MYH15: variants seen among roughly 807,000 people sequenced by gnomAD.
The protein encoded by MYH15 is myosin-15.
A neutral mutation model predicts 240.5 loss-of-function variants in MYH15; 227 were observed. The ratio of observed to expected loss-of-function variants is 0.94; its 90% CI spans 0.85 to 1.05. The LOEUF is 1.05. Among genes scored for constraint, MYH15 ranks in the 50% least tolerant of loss-of-function variants. The pLI is 0.00. For synonymous variants in MYH15, 785 were observed against 796.7 expected (o/e 0.99, Z 0.25); for missense variants, 2,217 against 2,247.5 (o/e 0.99, Z 0.27).
chr3:108,463,090 A>G, intron 16 of MYH15, 21 bp downstream of exon 16: 2 of 1,578,086 alleles, frequency 1.3e-6, no homozygotes, highest in African/African-American at 1.4e-5. Context: ...CTGAAAAATC[A>G]AGGAAGATTG....
At chr3:108,506,827 T>C (rs2083480005) in intron 1 of MYH15, among the ~76,000 whole-genome samples, 3 of 152,174 alleles carry the variant, frequency 2.0e-5, no homozygotes, top group African/African-American at 4.8e-5. Context: ...GGTCAGGAGT[T>C]CGAGACCAGC....
intron 31 of MYH15, among the ~76,000 whole-genome samples, chr3:108,409,156 G>A (rs2082569321): frequency 6.6e-6 from 1 of 152,184 alleles, no homozygotes; most frequent in African/African-American, 2.4e-5. Flanking sequence ...ATCCTGGGCT[G>A]TGATGTGATA....
the MYH15 span, among the ~76,000 whole-genome samples, chr3:108,534,456 T>G: frequency 6.6e-6 from 1 of 152,334 alleles, no homozygotes; most frequent in Middle Eastern, 3.4e-3. Flanking sequence ...CAATTATCAT[T>G]CAGCCAGAAA....
At chr3:108,400,240 C>T (rs1410977317) in intron 33 of MYH15, among the ~76,000 whole-genome samples, 1 of 152,182 alleles carries the variant, frequency 6.6e-6, no homozygotes, top group Non-Finnish European at 1.5e-5. Flanking sequence ...GACTCTTCAT[C>T]CTACCTCACA....
At chr3:108,548,060 G>GAGGTA in the MYH15 span, among the ~76,000 whole-genome samples, 1 of 152,170 alleles carries the variant, frequency 6.6e-6, no homozygotes, top group East Asian at 1.9e-4. Context: ...TACATAAGCA[G>GAGGTA]AGGTAATGCA....
rs774187672 is a variant in MYH15 at position 108,414,389 on chromosome 3, G to T, written c.3988C>A (p.Arg1330Ser). Residue 1330 changes from arginine to serine, a missense_variant, in exon 30 of 41, where the codon CGT (arginine) becomes AGT (serine). By Grantham distance (110) the Arg-to-Ser change is moderately radical (BLOSUM62 -1). Transcript: ENST00000693548. ...ALAHALQKAQ[R>S]DCDLLREQYE... ...TGCTCTCGTAGAAGGTCACAGTCAC[G>T]CTGAGCCTTCTGCAGGGCATGGGCC... 10 of 1,613,986 alleles carry T rather than the reference G, an allele frequency of 6.2e-6. No homozygotes were observed. Among genetic ancestry groups the T allele is most frequent in the East Asian group, 2.2e-5 (1 of 44,898 alleles).
At chr3:108,501,974 G>A (rs937422187) in intron 2 of MYH15, 119 bp from the exon 3 acceptor site, 7 of 1,071,722 alleles carry the variant, frequency 6.5e-6, no homozygotes, top group Non-Finnish European at 9.5e-6. Flanking sequence ...ATTAGGGGAT[G>A]GGGCCAGAAG....
In MYH15 at chr3:108,498,097, C is replaced by T; in HGVS notation, c.573G>A (p.Gln191=). ...GKTVNSKHII[Q]YFATIAAMIE... is the part of the protein sequence containing the mutation. ...TCATGGCTGCTATGGTGGCAAAATACTGGATAATATGTTTGCTGTTCACAG... is the reference window on the plus strand; with the variant it reads ...TCATGGCTGCTATGGTGGCAAAATATTGGATAATATGTTTGCTGTTCACAG... The change falls in exon 6 of 41, where the codon CAG becomes CAA. Residue 191 remains glutamine, a synonymous_variant. Transcript: ENST00000693548. The T allele has an allele frequency of 6.2e-7, 1 of 1,614,046 alleles. No individual in the cohort carries two copies. The highest frequency in any genetic ancestry group is 8.5e-7 in the Non-Finnish European group (1 of 1,179,974).
At position 108,398,644 on chromosome 3, in the gene MYH15, T is replaced by C. The variant is rs1409476513; in HGVS notation, c.5126A>G (p.Tyr1709Cys). 2 of 1,612,828 alleles carry C rather than the reference T, an allele frequency of 1.2e-6. No individual in the cohort carries two copies. The highest frequency in any genetic ancestry group is 8.5e-7 in the Non-Finnish European group (1 of 1,180,032). Residue 1709 changes from tyrosine to cysteine, a missense_variant, in exon 35 of 41, where the codon TAT becomes TGT. Tyr to Cys is a radical substitution (Grantham distance 194). Transcript: ENST00000693548. The part of the protein sequence containing the change: ...LEATERINLF[Y>C]TQNTSLLSQK... ...AGAGTATATGGGCCCCACCTGGGTA[T>C]AGAAAAGATTGATTCTTTCTGTTGC...
Position 108,463,605 on chromosome 3 carries a change from G to A in MYH15, c.1732-362C>T, listed in dbSNP as rs1041222127. Among the ~76,000 whole-genome samples the A allele has an allele frequency of 5.3e-5, 8 of 152,204 alleles. No homozygotes were observed. The South Asian group carries it at 1.7e-3, about 32-fold the overall frequency. On this transcript the variant is annotated intron_variant, in intron 15 of 40. Transcript: ENST00000693548. ...CCATCTCAGCCTCCCAAAGTGCTGG[G>A]ATTACAGGGAGCCACCATGCCCAGC... is the stretch of plus-strand genomic sequence containing the variant.
chr3:108,470,087 A>T lies in MYH15; in HGVS notation c.1509T>A (p.Ile503=). Residue 503 remains isoleucine, a synonymous_variant, in exon 14 of 41, where the codon ATT becomes ATA. Coordinates refer to ENST00000693548, the MANE Select transcript of MYH15 (RefSeq NM_014981.3). ...AAGCTTGCAAATCCAGACCAAAGCC[A>T]ATAGACACCCATTCAATGCTTTCTT... ...YKKESIEWVS[I]GFGLDLQACI... 6.2e-7 allele frequency: 1 copy of T among 1,611,614 alleles called. No individual in the cohort carries two copies. The highest frequency in any genetic ancestry group is 2.2e-5 in the East Asian group (1 of 44,812).
At chr3:108,457,750 G>A (rs1482241513) in intron 18 of MYH15, among the ~76,000 whole-genome samples, 1 of 152,228 alleles carries the variant, frequency 6.6e-6, no homozygotes, top group African/African-American at 2.4e-5. Context: ...GAAGGCACAA[G>A]TAGGCTGGCA....
At chr3:108,465,034 A>G (rs1368616140) in intron 14 of MYH15, among the ~76,000 whole-genome samples, 1 of 152,246 alleles carries the variant, frequency 6.6e-6, no homozygotes, top group Non-Finnish European at 1.5e-5. Flanking sequence ...TGTGAGCCAC[A>G]TATACAAAGT....
chr3:108,473,853 T>C (rs533169417), intron 12 of MYH15, among the ~76,000 whole-genome samples: 4 of 152,184 alleles, frequency 2.6e-5, no homozygotes, highest in Admixed American at 2.6e-4. Context: ...CATTTAGAAA[T>C]GCAAGTGGCA....
In MYH15 at chr3:108,476,391, C is replaced by T; in HGVS notation, c.1233+6G>A. ...GAATAATAATGCTCTTGAAATATCACCTTACCTGTTCTATAGTTTGACCTC... is the reference window on the plus strand; with the variant it reads ...GAATAATAATGCTCTTGAAATATCATCTTACCTGTTCTATAGTTTGACCTC... On this transcript the variant is annotated splice_donor_region_variant and intron_variant, in intron 12 of 40. Coordinates refer to ENST00000693548, the MANE Select transcript of MYH15 (RefSeq NM_014981.3). The T allele has an allele frequency of 6.7e-7, 1 of 1,482,278 alleles. No individual in the cohort carries two copies. 91.8% of individuals were successfully genotyped at this position (1,482,278 alleles called of 1,614,324 possible).
chr3:108,517,109 A>T (rs2083579770), intron 1 of MYH15, among the ~76,000 whole-genome samples: 3 of 152,054 alleles, frequency 2.0e-5, no homozygotes, highest in Non-Finnish European at 4.4e-5. Flanking sequence ...TCTCTTTCCC[A>T]GTTGTTCATT....
chr3:108,409,368 A>G (rs1045202073), intron 31 of MYH15, among the ~76,000 whole-genome samples: 2 of 152,210 alleles, frequency 1.3e-5, no homozygotes, highest in African/African-American at 4.8e-5. Flanking sequence ...ACCCCGCCCC[A>G]GTCCAAAGGT....
At chr3:108,443,644 C>T (rs566770958) in intron 22 of MYH15, among the ~76,000 whole-genome samples, 11 of 152,178 alleles carry the variant, frequency 7.2e-5, no homozygotes, top group African/African-American at 2.6e-4. Context: ...TAGCATCATA[C>T]TGTAGACAGA....
chr3:108,401,968 T>C (rs1326144646), intron 33 of MYH15, among the ~76,000 whole-genome samples: 2 of 152,154 alleles, frequency 1.3e-5, no homozygotes, highest in Non-Finnish European at 2.9e-5. Flanking sequence ...TGAAATACAA[T>C]TTAAAAAACA....
Sources: allele counts gnomAD v4.1 joint callset (sites outside exome capture counted in the v4.1 genomes callset), GRCh38; gene constraint gnomAD v4.1.1; transcripts MANE v1.5; gene names NCBI Gene and HGNC (gene_info 2026-07-23, HGNC 2026-07-21).